Variants in HS2ST1 observed in about 807,000 individuals in gnomAD.
HS2ST1 encodes heparan sulfate 2-O-sulfotransferase 1.
HS2ST1 carries 18 observed loss-of-function variants against 42.9 expected under a neutral mutation model. That is an observed-to-expected ratio of 0.42 (90% CI 0.29 to 0.62). The LOEUF (loss-of-function observed/expected upper bound fraction) is 0.62. Among genes scored for constraint, HS2ST1 ranks in the 20% least tolerant of loss-of-function variants. The pLI is 0.21. For synonymous variants in HS2ST1, 146 were observed against 152.9 expected, an observed-to-expected ratio of 0.95 and a Z score of 0.33; for missense variants, 334 against 433.8, an observed-to-expected ratio of 0.77 and a Z score of 2.04.
intron 4 of HS2ST1, among the ~76,000 whole-genome samples, chr1:87,097,536 G>GGC (rs571711704): frequency 4.9e-4 from 74 of 152,258 alleles, no homozygotes; most frequent in African/African-American, 1.5e-3. Context: ...TGGGACTACA[G>GGC]GCGCGTGCTA....
intron 1 of HS2ST1, among the ~76,000 whole-genome samples, chr1:87,034,702 C>CT (rs1359806392): frequency 1.3e-5 from 2 of 151,988 alleles, no homozygotes; most frequent in African/African-American, 4.8e-5. Flanking sequence ...TTTTAAAAGA[C>CT]AATAAAAAAT....
chr1:87,109,317 T>G lies in HS2ST1; in HGVS notation c.*4621T>G, dbSNP rs1318731715. 1 of 152,148 alleles carries G rather than the reference T, an allele frequency of 6.6e-6. No individual in the cohort carries two copies. The highest frequency in any genetic ancestry group is 2.4e-5 in the African/African-American group (1 of 41,448). 9.4% of individuals were successfully genotyped at this position (152,148 alleles called of 1,614,324 possible). A position where few individuals can be genotyped will look rare whatever the true frequency, so the allele number is the denominator to read the frequency against. ...CAAGAAAGCATGCAACATCATTGGT[T>G]TCTAATGATTTTATGGCTTGTGACA... On this transcript the variant is annotated 3_prime_UTR_variant, in exon 7 of 7. Coordinates refer to ENST00000370550, the MANE Select transcript of HS2ST1 (RefSeq NM_012262.4).
chr1:86,978,260 A>G (rs1310403941), intron 1 of HS2ST1, among the ~76,000 whole-genome samples: 1 of 152,240 alleles, frequency 6.6e-6, no homozygotes, highest in African/African-American at 2.4e-5. Context: ...CTGTACACAT[A>G]TAAAAGCTAA....
chr1:86,949,939 C>G (rs546922685), intron 1 of HS2ST1, among the ~76,000 whole-genome samples: 1 of 152,290 alleles, frequency 6.6e-6, no homozygotes, highest in African/African-American at 2.4e-5. Flanking sequence ...GAACACAGGG[C>G]TTTTAGGACC....
intron 1 of HS2ST1, among the ~76,000 whole-genome samples, chr1:87,061,814 CTG>C (rs1651127699): frequency 6.6e-6 from 1 of 151,832 alleles, no homozygotes; most frequent in Admixed American, 6.6e-5. Flanking sequence ...AACTGCCAAA[CTG>C]TTTTTCATCA....
At chr1:86,965,903 T>C (rs12139634) in intron 1 of HS2ST1, among the ~76,000 whole-genome samples, 23,002 of 152,278 alleles carry the variant, frequency 0.15, 2,224 homozygotes, top group Middle Eastern at 0.26. Context: ...TGTCTACTAA[T>C]ACCAGAAGAG....
intron 1 of HS2ST1, among the ~76,000 whole-genome samples, chr1:86,995,003 A>G (rs1217215118): frequency 6.6e-6 from 1 of 152,288 alleles, no homozygotes; most frequent in Non-Finnish European, 1.5e-5. Context: ...TTAAAAAAAC[A>G]TAAGGGGTAC....
chr1:86,957,976 A>G (rs1647722183), intron 1 of HS2ST1, among the ~76,000 whole-genome samples: 1 of 151,972 alleles, frequency 6.6e-6, no homozygotes. Flanking sequence ...TATTTTTAGT[A>G]AAGACGGGGT....
In HS2ST1 at chr1:87,072,927, T is replaced by C. The variant is rs771420041; in HGVS notation, c.125-7T>C. On this transcript the variant is annotated splice_polypyrimidine_tract_variant and splice_region_variant and intron_variant, in intron 1 of 6. Transcript: ENST00000370550. ...AAAACTTAGTTCGTATCTGTTTTTC[T>C]TTCCAGAAAGGGCTATTGCAAGACA... is the stretch of plus-strand genomic sequence containing the variant. 6.2e-7 allele frequency: 1 copy of C among 1,608,116 alleles called. No individual in the cohort carries two copies. The highest frequency in any genetic ancestry group is 1.1e-5 in the South Asian group (1 of 90,940).
At chr1:87,045,295 T>C (rs1650622689) in intron 1 of HS2ST1, 12 of 1,127,990 alleles carry the variant, frequency 1.1e-5, no homozygotes, top group East Asian at 2.3e-5. Context: ...GGAAGTAATC[T>C]GCTTGAAGCC....
intron 1 of HS2ST1, among the ~76,000 whole-genome samples, chr1:87,044,177 G>A (rs558147988): frequency 1.3e-5 from 2 of 152,216 alleles, no homozygotes; most frequent in Admixed American, 6.5e-5. Context: ...TAAATAAATA[G>A]CAGTAACAGT....
chr1:86,946,082 GC>G (rs1357888423), intron 1 of HS2ST1, among the ~76,000 whole-genome samples: 1 of 152,152 alleles, frequency 6.6e-6, no homozygotes, highest in East Asian at 1.9e-4. Context: ...TAATATGGTT[GC>G]CTATTTTGGC....
chr1:87,104,326 G>A (rs1432733988), intron 6 of HS2ST1, 144 bp from the exon 7 acceptor site: 16 of 623,894 alleles, frequency 2.6e-5, no homozygotes, highest in African/African-American at 5.6e-5. Context: ...TCAAGGCTCC[G>A]TTTTTACCTG....
chr1:86,969,636 G>A (rs1024963714), intron 1 of HS2ST1, among the ~76,000 whole-genome samples: 1 of 151,882 alleles, frequency 6.6e-6, no homozygotes, highest in Non-Finnish European at 1.5e-5. Context: ...AAACAATTTG[G>A]AGTTGGCTTT....
chr1:86,920,606 GGC>G (rs1660272119), intron 1 of HS2ST1, among the ~76,000 whole-genome samples: 1 of 152,144 alleles, frequency 6.6e-6, no homozygotes, highest in East Asian at 1.9e-4. Flanking sequence ...CACTCTGGTA[GGC>G]CTTCTAATAG....
chr1:86,956,750 A>G (rs958478210), intron 1 of HS2ST1, among the ~76,000 whole-genome samples: 1 of 152,140 alleles, frequency 6.6e-6, no homozygotes, highest in Non-Finnish European at 1.5e-5. Flanking sequence ...GAAAAAATAT[A>G]TTACCCTATG....
At chr1:87,045,861 C>T in intron 1 of HS2ST1, 1 of 710,812 alleles carries the variant, frequency 1.4e-6, no homozygotes, top group Middle Eastern at 2.5e-4. Context: ...TAAATGAACT[C>T]TCAGAGTCTC....
intron 1 of HS2ST1, among the ~76,000 whole-genome samples, chr1:87,041,708 T>G (rs968896533): frequency 3.3e-5 from 5 of 152,190 alleles, no homozygotes; most frequent in African/African-American, 1.2e-4. Context: ...GTGACTGGCT[T>G]ATTTCACTTG....
intron 1 of HS2ST1, among the ~76,000 whole-genome samples, chr1:86,917,276 T>A (rs1477086199): frequency 6.6e-6 from 1 of 152,124 alleles, no homozygotes; most frequent in Non-Finnish European, 1.5e-5. Context: ...CCCAGCACTT[T>A]GGGAGGCCGA....
Sources: allele counts gnomAD v4.1 joint callset (sites outside exome capture counted in the v4.1 genomes callset), GRCh38; gene constraint gnomAD v4.1.1; transcripts MANE v1.5; gene names NCBI Gene and HGNC (gene_info 2026-07-23, HGNC 2026-07-21).